Variants in PPP1R9A observed in about 807,000 individuals in gnomAD.
PPP1R9A encodes neurabin-1.
A neutral mutation model predicts 141.9 loss-of-function variants in PPP1R9A; 59 were observed. The observed-to-expected ratio is 0.42, with a 90% CI of 0.34 to 0.52. The LOEUF (loss-of-function observed/expected upper bound fraction) is 0.52. PPP1R9A is among the 20% of genes least tolerant of loss of function. The probability of loss-of-function intolerance (pLI) is 0.10; values close to 1 mark genes in which losing one functional copy is unlikely to be tolerated. For missense variants in PPP1R9A, 1,444 were observed against 1,611.9 expected (o/e 0.90, Z 1.78); for synonymous variants, 500 against 569.7 (o/e 0.88, Z 1.74).
At chr7:95,088,571 A>G (rs1205435319) in intron 2 of PPP1R9A, among the ~76,000 whole-genome samples, 1 of 152,008 alleles carries the variant, frequency 6.6e-6, no homozygotes, top group Admixed American at 6.5e-5. Context: ...AGCCTATTGA[A>G]CAATATTTTT....
At chr7:95,095,685 T>G (rs997853634) in intron 2 of PPP1R9A, among the ~76,000 whole-genome samples, 5 of 152,230 alleles carry the variant, frequency 3.3e-5, no homozygotes, top group Non-Finnish European at 5.9e-5. Context: ...AAATGGAGTC[T>G]TTCCTGCTTT....
chr7:95,242,688 C>A (rs768357678), intron 8 of PPP1R9A, among the ~76,000 whole-genome samples: 2 of 152,084 alleles, frequency 1.3e-5, no homozygotes, highest in Admixed American at 6.6e-5. Context: ...GTGCTGAAAT[C>A]CTGAGGTGCA....
intron 8 of PPP1R9A, among the ~76,000 whole-genome samples, chr7:95,231,796 G>A: frequency 6.6e-6 from 1 of 152,144 alleles, no homozygotes; most frequent in East Asian, 1.9e-4. Context: ...AAGTCTGAAA[G>A]GGCTCAAACT....
chr7:95,122,743 TC>T (rs1376749601), intron 4 of PPP1R9A, among the ~76,000 whole-genome samples: 1 of 152,222 alleles, frequency 6.6e-6, no homozygotes, highest in Non-Finnish European at 1.5e-5. Context: ...ACAGTCTTCC[TC>T]CTTTTCAGAG....
intron 7 of PPP1R9A, among the ~76,000 whole-genome samples, chr7:95,209,467 G>A (rs1226607815): frequency 2.0e-5 from 3 of 152,178 alleles, no homozygotes; most frequent in Non-Finnish European, 2.9e-5. Context: ...GTGGTCCAGT[G>A]TAAAGATGCC....
At position 95,083,016 on chromosome 7, in the gene PPP1R9A, A is replaced by G. The variant is rs552660953; in HGVS notation, c.1396-28243A>G. Among the ~76,000 whole-genome samples the G allele has an allele frequency of 4.0e-5, 6 of 151,866 alleles. No individual in the cohort carries two copies. In the South Asian group the frequency reaches 8.3e-4, roughly 21 times the overall value. ...ATGATCCGCCCACCTCGGCCTCCCA[A>G]AGTGCTGGGATTACAGGCGTGAGCC... On this transcript the variant is annotated intron_variant, in intron 2 of 19. Transcript: ENST00000433360.
chr7:95,290,527 C>A lies in PPP1R9A; in HGVS notation c.*224C>A. ...AGCCACCTTTGGTTCATTAACAAAC[C>A]AGAGATTTCATTTAAGTAGCTGTGT... On this transcript the variant is annotated 3_prime_UTR_variant, in exon 20 of 20. Transcript: ENST00000433360. 2.0e-6 allele frequency: 1 copy of A among 507,508 alleles called. No individual in the cohort carries two copies. The highest frequency in any genetic ancestry group is 3.4e-5 in the East Asian group (1 of 29,584). 31.4% of individuals were successfully genotyped at this position (507,508 alleles called of 1,614,324 possible).
chr7:95,200,435 C>T (rs1244246773), intron 6 of PPP1R9A, among the ~76,000 whole-genome samples: 1 of 140,448 alleles, frequency 7.1e-6, no homozygotes, highest in African/African-American at 2.5e-5. Flanking sequence ...CCACATCCTG[C>T]TAATTAAAAA....
At chr7:94,916,088 C>T (rs990363304) in intron 2 of PPP1R9A, among the ~76,000 whole-genome samples, 2 of 152,110 alleles carry the variant, frequency 1.3e-5, no homozygotes, top group Admixed American at 6.5e-5. Context: ...CTATTTATTA[C>T]GCATCTGCTG....
At chr7:95,082,766 CT>C (rs1159814204) in intron 2 of PPP1R9A, among the ~76,000 whole-genome samples, 6,369 of 108,516 alleles carry the variant, frequency 0.059, 156 homozygotes, top group East Asian at 0.3. Flanking sequence ...GAAGGGATTT[CT>C]TTTTTTTTTT....
intron 2 of PPP1R9A, among the ~76,000 whole-genome samples, chr7:94,989,637 A>ACAGTGGCTTTTTAC (rs1801259660): frequency 6.6e-6 from 1 of 152,060 alleles, no homozygotes; most frequent in East Asian, 1.9e-4. Context: ...CAATTTCCTT[A>ACAGTGGCTTTTTAC]CAGTGGCTTT....
rs147882176 is a variant in PPP1R9A, at chr7:95,251,524, A to G, written c.2397-238A>G. On this transcript the variant is annotated intron_variant, in intron 10 of 19. Coordinates refer to ENST00000433360, the MANE Select transcript of PPP1R9A (RefSeq NM_001166160.2). The stretch of plus-strand genomic sequence containing the variant: ...TCTAAATATGTATGGGTGTTCTAGA[A>G]TCAGGAGCTACGAAAGAAAATTATA... Among the ~76,000 whole-genome samples the G allele has an allele frequency of 2.8e-3, 425 of 152,302 alleles. 2 individuals carry two copies. Among genetic ancestry groups the G allele is most frequent in the African/African-American group, 8.8e-3 (364 of 41,580 alleles).
At chr7:95,067,498 C>T (rs1813113314) in intron 2 of PPP1R9A, among the ~76,000 whole-genome samples, 1 of 151,890 alleles carries the variant, frequency 6.6e-6, no homozygotes, top group Non-Finnish European at 1.5e-5. Flanking sequence ...AAAAGTTATT[C>T]AAAAAACAAA....
intron 7 of PPP1R9A, among the ~76,000 whole-genome samples, chr7:95,208,968 A>AAAAAAAAAAAAAC: frequency 6.7e-6 from 1 of 148,472 alleles, no homozygotes; most frequent in Non-Finnish European, 1.5e-5. Context: ...AAAAAAAAAA[A>AAAAAAAAAAAAAC]AAAAAAAAAA....
intron 1 of PPP1R9A, among the ~76,000 whole-genome samples, chr7:94,908,870 C>A (rs532710039): frequency 6.4e-4 from 97 of 152,282 alleles, no homozygotes; most frequent in African/African-American, 2.2e-3. Flanking sequence ...GGCCAGGAGC[C>A]GAGTTTGGAG....
intron 2 of PPP1R9A, among the ~76,000 whole-genome samples, chr7:94,912,823 A>G (rs1027484383): frequency 2.0e-5 from 3 of 152,104 alleles, no homozygotes; most frequent in East Asian, 1.9e-4. Context: ...ACAGATGTCA[A>G]TTCAGTTTGA....
intron 3 of PPP1R9A, among the ~76,000 whole-genome samples, chr7:95,118,188 A>G (rs1179054128): frequency 6.6e-6 from 1 of 152,210 alleles, no homozygotes; most frequent in Admixed American, 6.5e-5. Context: ...CATGTACACA[A>G]CAAATCTCTG....
intron 2 of PPP1R9A, among the ~76,000 whole-genome samples, chr7:95,038,664 A>G (rs1246229840): frequency 6.6e-6 from 1 of 152,166 alleles, no homozygotes; most frequent in Non-Finnish European, 1.5e-5. Flanking sequence ...GGAAAAAACA[A>G]TTCATGAAAA....
chr7:94,997,835 A>G (rs1238003635), intron 2 of PPP1R9A, among the ~76,000 whole-genome samples: 1 of 152,092 alleles, frequency 6.6e-6, no homozygotes, highest in African/African-American at 2.4e-5. Flanking sequence ...TAACTCCTCA[A>G]CCGAGTGAGA....
Sources: gnomAD v4.1 joint callset for allele counts (sites outside exome capture counted in the v4.1 genomes callset) on GRCh38, gnomAD v4.1.1 for gene constraint, MANE v1.5 for transcripts, NCBI Gene and HGNC (gene_info 2026-07-23, HGNC 2026-07-21) for gene names.